Variants in RPGRIP1 observed in about 807,000 individuals in gnomAD.
The protein encoded by RPGRIP1 is X-linked retinitis pigmentosa GTPase regulator-interacting protein 1.
A neutral mutation model predicts 157.9 loss-of-function variants in RPGRIP1; 128 were observed. The observed-to-expected ratio is 0.81, with a 90% CI of 0.70 to 0.94. RPGRIP1 has a LOEUF of 0.94. Among genes scored for constraint, RPGRIP1 ranks in the 40% least tolerant of loss-of-function variants. RPGRIP1 has a pLI of 0.00. For missense variants in RPGRIP1, 1,486 were observed against 1,545.8 expected, an observed-to-expected ratio of 0.96 and a Z score of 0.65; for synonymous variants, 554 against 571.6, an observed-to-expected ratio of 0.97 and a Z score of 0.44.
intron 21 of RPGRIP1, among the ~76,000 whole-genome samples, chr14:21,335,703 C>T (rs1488193180): frequency 1.1e-3 from 169 of 152,066 alleles, no homozygotes; most frequent in African/African-American, 3.9e-3. Flanking sequence ...TGGTGGCTGG[C>T]ACCTGTAGTC....
intron 22 of RPGRIP1, among the ~76,000 whole-genome samples, chr14:21,344,593 T>C (rs1443369270): frequency 2.6e-5 from 4 of 152,342 alleles, no homozygotes; most frequent in South Asian, 2.1e-4. Flanking sequence ...AAGTCGTGCA[T>C]GAAATCTTTT....
chr14:21,331,768 A>G (rs906509556), intron 20 of RPGRIP1, among the ~76,000 whole-genome samples: 2 of 151,974 alleles, frequency 1.3e-5, no homozygotes, highest in African/African-American at 2.4e-5. Context: ...TTTTACAACA[A>G]TTTAATAAGT....
At chr14:21,335,823 C>T (rs1211282339) in intron 21 of RPGRIP1, among the ~76,000 whole-genome samples, 2 of 149,034 alleles carry the variant, frequency 1.3e-5, no homozygotes, top group African/African-American at 2.6e-5. Flanking sequence ...AAGAGACACA[C>T]ATATATTAAT....
chr14:21,301,155 CCG>C lies in RPGRIP1; in HGVS notation c.410_411del (p.Arg137ProfsTer41). The C allele has an allele frequency of 6.3e-7, 1 of 1,594,900 alleles. No homozygotes were observed. The highest frequency in any genetic ancestry group is 8.5e-7 in the Non-Finnish European group (1 of 1,171,084). On this transcript the variant is annotated frameshift_variant, in exon 4 of 25. Coordinates refer to ENST00000400017, the MANE Select transcript of RPGRIP1 (RefSeq NM_020366.4). LOFTEE classifies it high-confidence loss of function. ...HFHCVGPASP[R>X]RAQPRVQVGH... Reference sequence around the variant, plus strand: ...TCCACTGCGTCGGCCCTGCCAGCCCCCGCCGCGCCCAGCCTCGCGTCCAAGTG... The same window carrying C: ...TCCACTGCGTCGGCCCTGCCAGCCCCCCGCGCCCAGCCTCGCGTCCAAGTG...
intron 12 of RPGRIP1, 26 bp from the exon 13 acceptor site, chr14:21,321,233 T>C (rs1882424030): frequency 6.2e-7 from 1 of 1,602,724 alleles, no homozygotes; most frequent in Non-Finnish European, 8.5e-7. Flanking sequence ...TTATACTCCC[T>C]TTTACCAATG....
chr14:21,343,866 GTTTTTTTTTTTTTTTTTTTT>G (rs67535379), intron 22 of RPGRIP1, among the ~76,000 whole-genome samples: 202 of 50,396 alleles, frequency 4.0e-3, no homozygotes, highest in East Asian at 0.011. Context: ...CTCTTTTCCT[GTTTTTTTTTTTTTTTTTTTT>G]TTTTTTTTTT....
chr14:21,314,421 A>G (rs1442898512), intron 10 of RPGRIP1, among the ~76,000 whole-genome samples: 1 of 152,070 alleles, frequency 6.6e-6, no homozygotes, highest in Non-Finnish European at 1.5e-5. Context: ...ATTTTTCACA[A>G]TGAGCATGTA....
chr14:21,303,533 G>C lies in RPGRIP1; in HGVS notation c.790G>C (p.Ala264Pro). The C allele has an allele frequency of 6.2e-7, 1 of 1,613,188 alleles. No individual in the cohort carries two copies. Among genetic ancestry groups the C allele is most frequent in the South Asian group, 1.1e-5 (1 of 91,052 alleles). ...CTCATTGGAGTGTGCTCAGAAGGCT[G>C]CAGAGCTTCGGTAAGAGTGTGGCAC... ...RSSLECAQKA[A>P]ELRASIKEKV... Residue 264 changes from alanine (A) to proline (P), a missense_variant, in exon 6 of 25, where the codon GCA becomes CCA. Ala to Pro is a conservative substitution (Grantham distance 27). Transcript: ENST00000400017.
At chr14:21,327,313 A>T (rs1883215702) in intron 17 of RPGRIP1, among the ~76,000 whole-genome samples, 1 of 152,138 alleles carries the variant, frequency 6.6e-6, no homozygotes, top group South Asian at 2.1e-4. Flanking sequence ...TGATAATAGT[A>T]ATAATAATGC....
chr14:21,328,410 A>C lies in RPGRIP1; in HGVS notation c.2896-14A>C, dbSNP rs761274449. 1 of 1,594,872 alleles carries C rather than the reference A, an allele frequency of 6.3e-7. No homozygotes were observed. The highest frequency in any genetic ancestry group is 8.5e-7 in the Non-Finnish European group (1 of 1,169,636). Reference sequence around the variant, plus strand: ...CTACCAGCTTGTAATGCTATCTCTGATCTTTCTATTCAGGATCAGATGGCA... The same window carrying C: ...CTACCAGCTTGTAATGCTATCTCTGCTCTTTCTATTCAGGATCAGATGGCA... On this transcript the variant is annotated splice_polypyrimidine_tract_variant and intron_variant, in intron 18 of 24. Coordinates refer to ENST00000400017, the MANE Select transcript of RPGRIP1 (RefSeq NM_020366.4).
intron 2 of RPGRIP1, among the ~76,000 whole-genome samples, chr14:21,288,553 C>T (rs1880391520): frequency 6.6e-6 from 1 of 150,736 alleles, no homozygotes; most frequent in Non-Finnish European, 1.5e-5. Context: ...TCTCTCTCGT[C>T]CCCCAGGCTG....
chr14:21,308,247 T>C (rs1002478556), intron 7 of RPGRIP1, among the ~76,000 whole-genome samples: 1 of 152,240 alleles, frequency 6.6e-6, no homozygotes, highest in African/African-American at 2.4e-5. Context: ...ACAGTCATGA[T>C]CTTTTTTAAG....
intron 23 of RPGRIP1, among the ~76,000 whole-genome samples, chr14:21,347,384 G>A (rs568987430): frequency 2.3e-4 from 35 of 152,320 alleles, no homozygotes; most frequent in Admixed American, 2.1e-3. Flanking sequence ...CCTTTCCTAT[G>A]CAAATTGGGA....
intron 23 of RPGRIP1, among the ~76,000 whole-genome samples, chr14:21,347,408 A>G (rs1394851619): frequency 1.3e-5 from 2 of 152,238 alleles, no homozygotes; most frequent in Non-Finnish European, 2.9e-5. Flanking sequence ...GGGAGTCAGC[A>G]TTATCACTTC....
At chr14:21,287,164 G>A (rs1168608915) in intron 1 of RPGRIP1, among the ~76,000 whole-genome samples, 3 of 152,198 alleles carry the variant, frequency 2.0e-5, no homozygotes, top group African/African-American at 4.8e-5. Context: ...TTGGGAGGCC[G>A]AGGCGGGCAG....
intron 11 of RPGRIP1, among the ~76,000 whole-genome samples, chr14:21,318,409 A>G (rs1594194205): frequency 6.7e-6 from 1 of 149,676 alleles, no homozygotes; most frequent in Admixed American, 6.7e-5. Context: ...ACTGTGCCCG[A>G]CCTGCCAGTT....
chr14:21,299,161 A>T (rs1031500994), intron 3 of RPGRIP1, among the ~76,000 whole-genome samples: 1 of 151,972 alleles, frequency 6.6e-6, no homozygotes, highest in Non-Finnish European at 1.5e-5. Flanking sequence ...GATTACAGGC[A>T]TGTGCCACCA....
At chr14:21,302,661 A>G in intron 5 of RPGRIP1, 77 bp downstream of exon 5, 1 of 926,258 alleles carries the variant, frequency 1.1e-6, no homozygotes, top group Non-Finnish European at 1.6e-6. Flanking sequence ...GAACAAATGA[A>G]TGTTGGTGAT....
intron 10 of RPGRIP1, among the ~76,000 whole-genome samples, chr14:21,314,911 T>C (rs1034730857): frequency 2.7e-5 from 4 of 150,732 alleles, no homozygotes; most frequent in East Asian, 2.0e-4. Flanking sequence ...TAATCCCAGA[T>C]ACTTGGGAGG....
Sources: gnomAD v4.1 joint callset for allele counts (sites outside exome capture counted in the v4.1 genomes callset) on GRCh38, gnomAD v4.1.1 for gene constraint, MANE v1.5 for transcripts, NCBI Gene and HGNC (gene_info 2026-07-23, HGNC 2026-07-21) for gene names.